Variants in CDC42EP4 observed in about 807,000 individuals in gnomAD.
CDC42EP4 encodes CDC42 effector protein (Rho GTPase binding) 4.
A neutral mutation model predicts 5.6 loss-of-function variants in CDC42EP4; 6 were observed. The observed-to-expected ratio is 1.07, with a 90% CI of 0.59 to 2.12. The LOEUF (loss-of-function observed/expected upper bound fraction) is 2.12. CDC42EP4 is among the 30% of genes most tolerant of loss of function. The pLI is 0.00. For missense variants in CDC42EP4, 490 were observed against 508.6 expected (o/e 0.96, Z 0.35); for synonymous variants, 230 against 224.2 (o/e 1.03, Z -0.23).
intron 1 of CDC42EP4, among the ~76,000 whole-genome samples, chr17:73,308,671 C>G (rs543514035): frequency 4.6e-5 from 7 of 152,190 alleles, no homozygotes; most frequent in Non-Finnish European, 8.8e-5. Flanking sequence ...ATCAGTCACT[C>G]CAAAGGGGTG....
chr17:73,292,579 G>A (rs1270757335), intron 1 of CDC42EP4, among the ~76,000 whole-genome samples: 1 of 152,240 alleles, frequency 6.6e-6, no homozygotes, highest in Non-Finnish European at 1.5e-5. Flanking sequence ...TATAAGGAGG[G>A]AAAGGGGTGG....
At chr17:73,297,059 C>T (rs2062191392) in intron 1 of CDC42EP4, among the ~76,000 whole-genome samples, 1 of 148,476 alleles carries the variant, frequency 6.7e-6, no homozygotes, top group South Asian at 2.1e-4. Flanking sequence ...TTTGGGAGGC[C>T]GAGGTGGGCA....
chr17:73,299,048 C>A (rs1311497149), intron 1 of CDC42EP4, among the ~76,000 whole-genome samples: 1 of 151,920 alleles, frequency 6.6e-6, no homozygotes, highest in South Asian at 2.1e-4. Flanking sequence ...CTCAACTTCC[C>A]GGGCTGAAGT....
chr17:73,305,704 TG>T (rs34804255), intron 1 of CDC42EP4, among the ~76,000 whole-genome samples: 5,899 of 152,324 alleles, frequency 0.039, 155 homozygotes, highest in Non-Finnish European at 0.055. Context: ...CCAAGTGCTG[TG>T]CTCGGGTGAG....
chr17:73,293,532 T>G (rs2062171376), intron 1 of CDC42EP4, among the ~76,000 whole-genome samples: 1 of 152,158 alleles, frequency 6.6e-6, no homozygotes, highest in Non-Finnish European at 1.5e-5. Flanking sequence ...CACGGCCCCT[T>G]CTCACAGGAG....
intron 1 of CDC42EP4, among the ~76,000 whole-genome samples, chr17:73,295,136 T>C (rs921553129): frequency 6.6e-6 from 1 of 152,112 alleles, no homozygotes; most frequent in Non-Finnish European, 1.5e-5. Flanking sequence ...TATGTACTCC[T>C]TGGGGTGCTA....
Position 73,305,593 on chromosome 17 carries a change from C to A in CDC42EP4, c.-113+6300G>T, listed in dbSNP as rs142301390. Among the ~76,000 whole-genome samples, 403 of 152,320 alleles carry A rather than the reference C, an allele frequency of 2.6e-3. 3 individuals carry two copies. Among genetic ancestry groups the A allele is most frequent in the Non-Finnish European group, 4.5e-3 (308 of 68,036 alleles). On this transcript the variant is annotated intron_variant, in intron 1 of 1. Coordinates refer to ENST00000335793, the MANE Select transcript of CDC42EP4 (RefSeq NM_012121.5). ...CTGCCGGAAGTTGGGGACAAAGAGC[C>A]CCACTCCCTAGGTCACAAGGTGGCC...
rs1435921344 is a variant in CDC42EP4, at chr17:73,285,536, C to G, written c.965G>C (p.Ser322Thr). The change falls in exon 2 of 2, where the codon AGC becomes ACC. Residue 322 changes from serine to threonine, a missense_variant. Coordinates refer to ENST00000335793, the MANE Select transcript of CDC42EP4 (RefSeq NM_012121.5). This position sits in a 1 kb window ranked among gnomAD's most constrained non-coding sequence, Gnocchi z 6.8. ...CCTGTCCGGCCCCCGGAAGGCAGGGCTGCGCTCCTCCAGGATGCCTGAGGT... is the reference window on the plus strand; with the variant it reads ...CCTGTCCGGCCCCCGGAAGGCAGGGGTGCGCTCCTCCAGGATGCCTGAGGT... ...SCTSGILEERSPAFRGPDRAR... is the reference protein window; with the variant it reads ...SCTSGILEERTPAFRGPDRAR... The G allele has an allele frequency of 6.2e-7, 1 of 1,611,600 alleles. No homozygotes were observed. Among genetic ancestry groups the G allele is most frequent in the Non-Finnish European group, 8.5e-7 (1 of 1,179,436 alleles).
At chr17:73,288,441 T>C (rs1272281765) in intron 1 of CDC42EP4, among the ~76,000 whole-genome samples, 2 of 150,628 alleles carry the variant, frequency 1.3e-5, no homozygotes, top group African/African-American at 4.9e-5. Context: ...TTAGTAGAGA[T>C]AGAGATGGAG....
At chr17:73,296,810 A>G (rs1215615437) in intron 1 of CDC42EP4, among the ~76,000 whole-genome samples, 5 of 150,924 alleles carry the variant, frequency 3.3e-5, no homozygotes, top group South Asian at 2.1e-4. Context: ...GTGAAACCCC[A>G]TCTCTACTAA....
intron 1 of CDC42EP4, among the ~76,000 whole-genome samples, chr17:73,291,174 G>A (rs193177071): frequency 9.9e-4 from 150 of 152,258 alleles, no homozygotes; most frequent in Non-Finnish European, 1.5e-3. Flanking sequence ...CTGCTGCCAC[G>A]GTCTCGCTTC....
chr17:73,295,395 G>A lies in CDC42EP4; in HGVS notation c.-112-8783C>T, dbSNP rs1599434064. 4.6e-5 allele frequency among the ~76,000 whole-genome samples: 7 copies of A among 152,248 alleles called. No individual in the cohort carries two copies. The South Asian group carries it at 1.0e-3, about 23-fold the overall frequency. ...CCAGGCACTAGGACAACCTTCTGAT[G>A]TTTGCTACCATCTTGCCCAAATTAA... On this transcript the variant is annotated intron_variant, in intron 1 of 1. Coordinates refer to ENST00000335793, the MANE Select transcript of CDC42EP4 (RefSeq NM_012121.5).
intron 1 of CDC42EP4, among the ~76,000 whole-genome samples, chr17:73,288,087 T>C (rs960200841): frequency 1.3e-5 from 2 of 152,116 alleles, no homozygotes; most frequent in South Asian, 4.1e-4. Flanking sequence ...ACACCCAGCA[T>C]CCTTCAGGGC....
intron 1 of CDC42EP4, among the ~76,000 whole-genome samples, chr17:73,297,847 C>T (rs1057360564): frequency 2.0e-5 from 3 of 151,734 alleles, no homozygotes; most frequent in African/African-American, 4.8e-5. Context: ...TCAGTAAAGA[C>T]GGGGTTTCCC....
At chr17:73,303,977 GAGTCT>G (rs2062232417) in intron 1 of CDC42EP4, among the ~76,000 whole-genome samples, 1 of 152,194 alleles carries the variant, frequency 6.6e-6, no homozygotes, top group African/African-American at 2.4e-5. Context: ...ATAGCATAAG[GAGTCT>G]AGTCTAGTTT....
At chr17:73,299,962 G>A (rs2062210002) in intron 1 of CDC42EP4, among the ~76,000 whole-genome samples, 1 of 152,142 alleles carries the variant, frequency 6.6e-6, no homozygotes, top group African/African-American at 2.4e-5. Flanking sequence ...TCACCCTGAA[G>A]CACAAGCCAG....
chr17:73,294,385 C>A (rs1805792655), intron 1 of CDC42EP4, among the ~76,000 whole-genome samples: 1 of 152,022 alleles, frequency 6.6e-6, no homozygotes, highest in Admixed American at 6.6e-5. Context: ...AAAAAACAAA[C>A]CCAGGATGGG....
chr17:73,299,450 C>T (rs1022990847), intron 1 of CDC42EP4, among the ~76,000 whole-genome samples: 34,025 of 104,164 alleles, frequency 0.33, 4,533 homozygotes, highest in Non-Finnish European at 0.39. Flanking sequence ...AAAATACACA[C>T]ACACACACAC....
chr17:73,303,985 T>C (rs192796564), intron 1 of CDC42EP4, among the ~76,000 whole-genome samples: 92 of 152,330 alleles, frequency 6.0e-4, no homozygotes, highest in African/African-American at 2.2e-3. Flanking sequence ...AGGAGTCTAG[T>C]CTAGTTTAAA....
Sources: allele counts gnomAD v4.1 joint callset (sites outside exome capture counted in the v4.1 genomes callset), GRCh38; gene constraint gnomAD v4.1.1; non-coding constraint Gnocchi (gnomAD v3.1); transcripts MANE v1.5; gene names NCBI Gene and HGNC (gene_info 2026-07-23, HGNC 2026-07-21).